RANBP2: variants seen among roughly 807,000 people sequenced by gnomAD.
The protein encoded by RANBP2 is E3 SUMO-protein ligase RanBP2.
RANBP2 carries 57 observed loss-of-function variants against 303.6 expected under a neutral mutation model. That is an observed-to-expected ratio of 0.19 (90% CI 0.15 to 0.23). The LOEUF is 0.23. Among genes scored for constraint, RANBP2 ranks in the 10% least tolerant of loss-of-function variants. RANBP2 has a pLI of 1.00. For synonymous variants in RANBP2, 1,167 were observed against 1,301.5 expected, an observed-to-expected ratio of 0.90 and a Z score of 2.23; for missense variants, 3,138 against 3,780.8, an observed-to-expected ratio of 0.83 and a Z score of 4.46.
the RANBP2 span, among the ~76,000 whole-genome samples, chr2:109,377,914 A>G: frequency 1.3e-5 from 2 of 152,242 alleles, no homozygotes; most frequent in Non-Finnish European, 2.9e-5. Context: ...TAAAGGCACA[A>G]CGACAGCTCT....
At chr2:109,497,359 T>C in the RANBP2 span, among the ~76,000 whole-genome samples, 1 of 152,090 alleles carries the variant, frequency 6.6e-6, no homozygotes, top group African/African-American at 2.4e-5. Context: ...GCAGACTCTG[T>C]TGTCAGGGAG....
chr2:108,936,224 G>C, the RANBP2 span, among the ~76,000 whole-genome samples: 4 of 152,240 alleles, frequency 2.6e-5, no homozygotes, highest in African/African-American at 9.6e-5. Flanking sequence ...GCTGTGGGAA[G>C]CCTTGGCAGG....
chr2:108,762,046 T>C, intron 18 of RANBP2, 55 bp from the exon 19 acceptor site: 1 of 1,591,898 alleles, frequency 6.3e-7, no homozygotes, highest in Non-Finnish European at 8.5e-7. Context: ...TAGATAGTCT[T>C]AACTGTAGTA....
the RANBP2 span, among the ~76,000 whole-genome samples, chr2:109,004,733 T>G: frequency 6.6e-6 from 1 of 152,244 alleles, no homozygotes; most frequent in Non-Finnish European, 1.5e-5. Flanking sequence ...ATTTCTGCCC[T>G]TATTTCTTCC....
the RANBP2 span, among the ~76,000 whole-genome samples, chr2:109,519,627 T>A: frequency 1.3e-5 from 2 of 152,144 alleles, no homozygotes; most frequent in African/African-American, 4.8e-5. Flanking sequence ...TACACCCTTT[T>A]AAAAGAAGAG....
At chr2:109,072,018 A>T in the RANBP2 span, among the ~76,000 whole-genome samples, 1 of 152,258 alleles carries the variant, frequency 6.6e-6, no homozygotes, top group Non-Finnish European at 1.5e-5. Flanking sequence ...AGGCTATAGA[A>T]GTAAACACAA....
At chr2:108,849,809 A>G in the RANBP2 span, among the ~76,000 whole-genome samples, 1 of 152,218 alleles carries the variant, frequency 6.6e-6, no homozygotes, top group South Asian at 2.1e-4. Flanking sequence ...TCCAGTGTTC[A>G]TCTACTACCT....
At chr2:109,219,134 TCTCG>T in the RANBP2 span, among the ~76,000 whole-genome samples, 1 of 152,162 alleles carries the variant, frequency 6.6e-6, no homozygotes, top group African/African-American at 2.4e-5. Context: ...GTTCCACCTC[TCTCG>T]CTCACACCCC....
the RANBP2 span, among the ~76,000 whole-genome samples, chr2:108,932,105 C>T: frequency 7.2e-5 from 11 of 152,278 alleles, no homozygotes; most frequent in South Asian, 1.7e-3. Context: ...ACAAAAACAC[C>T]GTGACGAACA....
chr2:109,432,565 A>G, the RANBP2 span: 5 of 1,613,636 alleles, frequency 3.1e-6, no homozygotes, highest in East Asian at 2.2e-5. Context: ...CAAGGGAGAG[A>G]TGTACCGGGT....
the RANBP2 span, chr2:108,912,863 G>C: frequency 3.0e-6 from 3 of 995,818 alleles, no homozygotes; most frequent in South Asian, 4.1e-5. Context: ...TCATGAATGG[G>C]CCTGAGGCAG....
the RANBP2 span, among the ~76,000 whole-genome samples, chr2:109,075,025 C>CAAAAAAAAAA: frequency 2.2e-5 from 1 of 44,636 alleles, no homozygotes; most frequent in African/African-American, 8.9e-5. Context: ...GTCTCCATCT[C>CAAAAAAAAAA]AAAAAAAAAA....
the RANBP2 span, among the ~76,000 whole-genome samples, chr2:108,940,934 G>A: frequency 1.3e-5 from 2 of 152,318 alleles, no homozygotes; most frequent in African/African-American, 4.8e-5. Context: ...ACAGGTGGGA[G>A]ACTTTGATAA....
At chr2:109,322,363 A>G in the RANBP2 span, among the ~76,000 whole-genome samples, 1 of 152,212 alleles carries the variant, frequency 6.6e-6, no homozygotes, top group African/African-American at 2.4e-5. Flanking sequence ...ATGTGCCGAA[A>G]TGTTCCCACA....
chr2:109,713,585 G>T, the RANBP2 span, among the ~76,000 whole-genome samples: 2 of 152,198 alleles, frequency 1.3e-5, no homozygotes, highest in African/African-American at 4.8e-5. Flanking sequence ...ATTTGTGTTT[G>T]GTAAGCTGTG....
the RANBP2 span, among the ~76,000 whole-genome samples, chr2:108,982,030 C>T: frequency 0.019 from 2,927 of 152,348 alleles, 44 homozygotes; most frequent in South Asian, 0.051. Flanking sequence ...ACAGTCAGTG[C>T]AACGGCAGGG....
the RANBP2 span, among the ~76,000 whole-genome samples, chr2:109,602,205 G>C: frequency 6.6e-6 from 1 of 152,090 alleles, no homozygotes; most frequent in Non-Finnish European, 1.5e-5. Context: ...CAGATTTTAT[G>C]ACTATAACTT....
chr2:109,447,063 A>T, the RANBP2 span, among the ~76,000 whole-genome samples: 1 of 150,268 alleles, frequency 6.7e-6, no homozygotes, highest in Non-Finnish European at 1.5e-5. Flanking sequence ...TGATTGCCTG[A>T]CCTGCTCTCC....
chr2:109,358,114 T>A, the RANBP2 span, among the ~76,000 whole-genome samples: 7 of 152,248 alleles, frequency 4.6e-5, no homozygotes, highest in Non-Finnish European at 8.8e-5. Flanking sequence ...GTTTTTCCTT[T>A]CCCAGAACGT....
Sources: allele counts gnomAD v4.1 joint callset (sites outside exome capture counted in the v4.1 genomes callset), GRCh38; gene constraint gnomAD v4.1.1; transcripts MANE v1.5; gene names NCBI Gene and HGNC (gene_info 2026-07-23, HGNC 2026-07-21).